Variants in CDRT4 observed in about 807,000 individuals in gnomAD.
The protein encoded by CDRT4 is CMT1A duplicated region transcript 4.
For synonymous variants in CDRT4, 64 were observed against 69.6 expected (o/e 0.92, Z 0.40); for missense variants, 167 against 193.1 (o/e 0.87, Z 0.80).
intron 2 of CDRT4, among the ~76,000 whole-genome samples, chr17:15,440,506 C>CA (rs1978709920): frequency 6.6e-6 from 1 of 152,068 alleles, no homozygotes; most frequent in Non-Finnish European, 1.5e-5. Flanking sequence ...TGTAGACTGT[C>CA]ATGATAGTCT....
At chr17:15,441,032 G>T (rs2150785247) in intron 2 of CDRT4, among the ~76,000 whole-genome samples, 1 of 152,334 alleles carries the variant, frequency 6.6e-6, no homozygotes, top group Non-Finnish European at 1.5e-5. Context: ...GAGTCCAGGA[G>T]ATCTTTTTGG....
At chr17:15,466,506 T>C (rs923339612) in intron 1 of CDRT4, among the ~76,000 whole-genome samples, 2 of 152,208 alleles carry the variant, frequency 1.3e-5, no homozygotes, top group African/African-American at 4.8e-5. Context: ...GTGTCTTTTA[T>C]TCCTTGTTCT....
At chr17:15,445,063 C>A (rs937292685) in intron 2 of CDRT4, among the ~76,000 whole-genome samples, 2 of 152,190 alleles carry the variant, frequency 1.3e-5, no homozygotes, top group African/African-American at 4.8e-5. Context: ...GGGTTCCAGG[C>A]AGGATTGATG....
chr17:15,437,402 C>T lies in CDRT4; in HGVS notation c.*371G>A. ...CCATGGATACCTTTGTATTCCCTTC[C>T]TGCCCTTTACTGTCACCTGGTTAAT... On this transcript the variant is annotated 3_prime_UTR_variant, in exon 4 of 4. Coordinates refer to ENST00000619038, the MANE Select transcript of CDRT4 (RefSeq NM_001204477.2). 3.7e-6 allele frequency: 1 copy of T among 272,688 alleles called. No homozygotes were observed. The highest frequency in any genetic ancestry group is 2.2e-5 in the African/African-American group (1 of 45,806). 16.9% of individuals were successfully genotyped at this position (272,688 alleles called of 1,614,324 possible).
chr17:15,457,727 C>T (rs143184848), intron 1 of CDRT4, among the ~76,000 whole-genome samples: 102 of 152,256 alleles, frequency 6.7e-4, no homozygotes, highest in African/African-American at 2.3e-3. Flanking sequence ...CTCAAAAAAG[C>T]CCCCCTGAGC....
intron 1 of CDRT4, among the ~76,000 whole-genome samples, chr17:15,456,637 C>A (rs532852047): frequency 6.5e-4 from 99 of 151,700 alleles, no homozygotes; most frequent in African/African-American, 2.3e-3. Context: ...AGCACGGGGT[C>A]TAGAATGGAG....
chr17:15,452,151 G>T (rs1240004372), intron 2 of CDRT4, among the ~76,000 whole-genome samples: 1 of 152,190 alleles, frequency 6.6e-6, no homozygotes, highest in Non-Finnish European at 1.5e-5. Flanking sequence ...TGAAAAATAT[G>T]ACAAACAAAT....
intron 1 of CDRT4, among the ~76,000 whole-genome samples, chr17:15,458,528 C>A (rs565696607): frequency 1.3e-5 from 2 of 152,058 alleles, no homozygotes; most frequent in Non-Finnish European, 1.5e-5. Flanking sequence ...GGCTGCTGGG[C>A]GGCAGCAGAG....
intron 1 of CDRT4, among the ~76,000 whole-genome samples, chr17:15,455,932 G>C (rs1979462812): frequency 6.6e-6 from 1 of 152,174 alleles, no homozygotes; most frequent in Non-Finnish European, 1.5e-5. Flanking sequence ...CAGAAACTGA[G>C]ATAACAAATA....
rs1980100159 is a variant in CDRT4 at position 15,467,574 on chromosome 17, GCT to G, written c.-246_-245del. 6.6e-6 allele frequency: 1 copy of G among 152,198 alleles called. No homozygotes were observed. The highest frequency in any genetic ancestry group is 1.5e-5 in the Non-Finnish European group (1 of 68,138). The allele number at this position is 152,198 out of a possible 1,614,324, so 9.4% of individuals were successfully genotyped here. A position where few individuals can be genotyped will look rare whatever the true frequency, so the allele number is the denominator to read the frequency against. On this transcript the variant is annotated 5_prime_UTR_variant, in exon 1 of 4. The change abolishes the stop of an existing upstream ORF in the 5' untranslated region. Transcript: ENST00000619038. ...GTGCTCTCAATCCCACTTCTCTTTG[GCT>G]CTCTCTTTGCTGCAGCTAACCATCC... is the stretch of plus-strand genomic sequence containing the variant.
intron 1 of CDRT4, among the ~76,000 whole-genome samples, chr17:15,458,174 T>A (rs895110702): frequency 1.3e-5 from 2 of 152,144 alleles, no homozygotes; most frequent in African/African-American, 4.8e-5. Context: ...CATCTCTCAA[T>A]AGCCATATGC....
At chr17:15,447,685 T>C (rs1294786692) in intron 2 of CDRT4, among the ~76,000 whole-genome samples, 1 of 152,216 alleles carries the variant, frequency 6.6e-6, no homozygotes, top group Non-Finnish European at 1.5e-5. Context: ...TAAGATGACA[T>C]TGGAAGGCCC....
At chr17:15,455,519 C>T (rs1215003638) in intron 1 of CDRT4, among the ~76,000 whole-genome samples, 2 of 152,226 alleles carry the variant, frequency 1.3e-5, no homozygotes, top group Non-Finnish European at 2.9e-5. Context: ...TAATGACTCA[C>T]TTCTAATAAA....
At chr17:15,457,153 C>T (rs919316979) in intron 1 of CDRT4, among the ~76,000 whole-genome samples, 2 of 152,078 alleles carry the variant, frequency 1.3e-5, no homozygotes, top group African/African-American at 2.4e-5. Flanking sequence ...CCTTCCAGCT[C>T]GAACCTCCTG....
At chr17:15,456,090 T>C (rs1979469090) in intron 1 of CDRT4, among the ~76,000 whole-genome samples, 2 of 152,158 alleles carry the variant, frequency 1.3e-5, no homozygotes, top group African/African-American at 4.8e-5. Flanking sequence ...TGGGAGAAAT[T>C]TCACTGCATA....
chr17:15,440,062 CATG>C, intron 3 of CDRT4, 143 bp downstream of exon 3: 2 of 644,066 alleles, frequency 3.1e-6, no homozygotes, highest in Non-Finnish European at 4.7e-6. Flanking sequence ...ACGTTGTGCA[CATG>C]TACCCTAGAA....
intron 1 of CDRT4, among the ~76,000 whole-genome samples, chr17:15,458,374 G>A (rs574829612): frequency 3.9e-5 from 6 of 152,130 alleles, no homozygotes; most frequent in Non-Finnish European, 7.3e-5. Flanking sequence ...ATGCAGGCCT[G>A]AACTGAATTG....
At chr17:15,446,450 C>T (rs979920094) in intron 2 of CDRT4, among the ~76,000 whole-genome samples, 4 of 152,016 alleles carry the variant, frequency 2.6e-5, no homozygotes, top group Non-Finnish European at 5.9e-5. Flanking sequence ...AGGCAAAGGG[C>T]AATGGGAGTG....
chr17:15,436,162 C>G lies in CDRT4; in HGVS notation c.*1611G>C, dbSNP rs1254565909. 1 of 152,184 alleles carries G rather than the reference C, an allele frequency of 6.6e-6. No individual in the cohort carries two copies. The highest frequency in any genetic ancestry group is 1.5e-5 in the Non-Finnish European group (1 of 68,046). 9.4% of individuals were successfully genotyped at this position (152,184 alleles called of 1,614,324 possible). ...CAACAGTTGGGAACCAATAACAGGT[C>G]TAGAGCTCCTAATTTAGGCAGCTGT... is the stretch of plus-strand genomic sequence containing the variant. On this transcript the variant is annotated 3_prime_UTR_variant, in exon 4 of 4. Coordinates refer to ENST00000619038, the MANE Select transcript of CDRT4 (RefSeq NM_001204477.2).
Sources: gnomAD v4.1 joint callset for allele counts (sites outside exome capture counted in the v4.1 genomes callset) on GRCh38, gnomAD v4.1.1 for gene constraint, MANE v1.5 for transcripts, NCBI Gene and HGNC (gene_info 2026-07-23, HGNC 2026-07-21) for gene names.